SEPTIN9: variants seen among roughly 807,000 people sequenced by gnomAD.
SEPTIN9 encodes septin-9.
SEPTIN9 carries 13 observed loss-of-function variants against 56.6 expected under a neutral mutation model. The ratio of observed to expected loss-of-function variants is 0.23; its 90% CI spans 0.15 to 0.37. SEPTIN9 has a LOEUF of 0.37. SEPTIN9 is among the 10% of genes least tolerant of loss of function. The probability of loss-of-function intolerance (pLI) is 1.00; values close to 1 mark genes in which losing one functional copy is unlikely to be tolerated. For missense variants in SEPTIN9, 650 were observed against 823.1 expected (o/e 0.79, Z 2.57); for synonymous variants, 332 against 334.1 (o/e 0.99, Z 0.07).
chr17:77,320,290 G>A, intron 2 of SEPTIN9: 7 of 1,612,032 alleles, frequency 4.3e-6, no homozygotes, highest in Non-Finnish European at 5.9e-6. Context: ...TGAGCGGGAC[G>A]CCGGGACTCC....
intron 3 of SEPTIN9, chr17:77,454,362 A>C: frequency 1.0e-6 from 1 of 985,518 alleles, no homozygotes; most frequent in Non-Finnish European, 1.2e-6. Context: ...GTTCCCGGAC[A>C]GGTAGGGACC....
chr17:77,426,846 G>A (rs2036933921), intron 3 of SEPTIN9: 1 of 152,226 alleles, frequency 6.6e-6, no homozygotes, highest in African/African-American at 2.4e-5. Flanking sequence ...CATGTCACGG[G>A]TGCTCAGTGA....
At chr17:77,378,929 G>A (rs1021110199) in intron 2 of SEPTIN9, among the ~76,000 whole-genome samples, 2 of 152,008 alleles carry the variant, frequency 1.3e-5, no homozygotes, top group African/African-American at 4.8e-5. Context: ...GCACTTGCTG[G>A]ATGACCGGAC....
chr17:77,315,003 G>C (rs913928553), intron 2 of SEPTIN9, among the ~76,000 whole-genome samples: 1 of 152,328 alleles, frequency 6.6e-6, no homozygotes, highest in East Asian at 1.9e-4. Flanking sequence ...TGTGAGAAGG[G>C]GTGGGGAAAG....
chr17:77,386,400 C>T (rs2035338633), intron 2 of SEPTIN9, among the ~76,000 whole-genome samples: 1 of 152,166 alleles, frequency 6.6e-6, no homozygotes, highest in African/African-American at 2.4e-5. Flanking sequence ...GGGGACTTCA[C>T]AAGATGGGTA....
At chr17:77,416,449 C>A (rs1035180125) in intron 3 of SEPTIN9, among the ~76,000 whole-genome samples, 1 of 152,142 alleles carries the variant, frequency 6.6e-6, no homozygotes, top group Non-Finnish European at 1.5e-5. Flanking sequence ...ATAACGGGGC[C>A]GGGGAGCTCT....
chr17:77,295,057 C>T (rs2031748218), intron 1 of SEPTIN9, among the ~76,000 whole-genome samples: 1 of 152,154 alleles, frequency 6.6e-6, no homozygotes, highest in South Asian at 2.1e-4. Context: ...TAGCAGGAGC[C>T]CCCACGTGGC....
Position 77,475,650 on chromosome 17 carries a change from G to A in SEPTIN9, c.722-6494G>A, listed in dbSNP as rs369276902. 7.1e-5 allele frequency: 114 copies of A among 1,613,724 alleles called. No individual in the cohort carries two copies. The highest frequency in any genetic ancestry group is 8.6e-5 in the Non-Finnish European group (102 of 1,179,886). ...AGGCTGCTCCAGTGTGCATTGTTAC[G>A]AGGCAAAGTAAGGAGACTGCTGGGC... On this transcript the variant is annotated intron_variant, in intron 3 of 11. Coordinates refer to ENST00000427177, the MANE Select transcript of SEPTIN9 (RefSeq NM_001113491.2). This position sits in a 1 kb window ranked among gnomAD's most constrained non-coding sequence, Gnocchi z 4.6.
chr17:77,341,784 CAAA>C (rs34170928), intron 2 of SEPTIN9, among the ~76,000 whole-genome samples: 1 of 113,444 alleles, frequency 8.8e-6, no homozygotes. Flanking sequence ...GACTCCATCT[CAAA>C]AAAAAAAAAA....
Position 77,451,798 on chromosome 17 carries a change from G to A in SEPTIN9, c.722-30346G>A, listed in dbSNP as rs890033616. Among the ~76,000 whole-genome samples the A allele has an allele frequency of 2.6e-5, 4 of 152,206 alleles. No homozygotes were observed. Among genetic ancestry groups the A allele is most frequent in the African/African-American group, 2.4e-5 (1 of 41,448 alleles). ...CACAGCTATCTCTTTGTAAATATTT[G>A]GCCAACTAAGCTGAGTGGCTAAGTT... On this transcript the variant is annotated intron_variant, in intron 3 of 11. Transcript: ENST00000427177. This position sits in a 1 kb window ranked among gnomAD's most constrained non-coding sequence, Gnocchi z 4.2.
intron 2 of SEPTIN9, among the ~76,000 whole-genome samples, chr17:77,377,719 G>A (rs1451750311): frequency 2.0e-5 from 3 of 152,296 alleles, no homozygotes; most frequent in African/African-American, 4.8e-5. Flanking sequence ...GAGCTGGCGC[G>A]CTGGCAGGAT....
chr17:77,484,577 G>A (rs1303757136), intron 4 of SEPTIN9, among the ~76,000 whole-genome samples: 12 of 112,432 alleles, frequency 1.1e-4, no homozygotes, highest in Middle Eastern at 6.9e-3. Flanking sequence ...GGTGATGGTG[G>A]TTATGATGGT....
chr17:77,464,047 A>G (rs1480670037), intron 3 of SEPTIN9, among the ~76,000 whole-genome samples: 2 of 151,298 alleles, frequency 1.3e-5, no homozygotes, highest in African/African-American at 4.9e-5. Context: ...AAATAACTGC[A>G]GGAACAATTT....
chr17:77,337,404 C>G (rs1240903877), intron 2 of SEPTIN9, among the ~76,000 whole-genome samples: 1 of 151,668 alleles, frequency 6.6e-6, no homozygotes, highest in African/African-American at 2.4e-5. Flanking sequence ...TTTGATTTGC[C>G]CAGTTTTTAA....
Position 77,488,253 on chromosome 17 carries a change from A to G in SEPTIN9, c.1056A>G (p.Lys352=), listed in dbSNP as rs572892606. 5 of 1,613,752 alleles carry G rather than the reference A, an allele frequency of 3.1e-6. No homozygotes were observed. The South Asian group carries it at 4.4e-5, about 14-fold the overall frequency. ...IKSITHDIEE[K]GVRMKLTVID... ...GGCTCTGTGCAGATATTGAGGAGAAAGGCGTCCGGATGAAGCTGACAGTGA... is the reference window on the plus strand; with the variant it reads ...GGCTCTGTGCAGATATTGAGGAGAAGGGCGTCCGGATGAAGCTGACAGTGA... The change falls in exon 6 of 12, where the codon AAA becomes AAG. Residue 352 remains lysine (K), a synonymous_variant. Transcript: ENST00000427177.
intron 2 of SEPTIN9, chr17:77,373,484 G>GCCCACCAGCCA (rs1224067489): frequency 6.5e-7 from 1 of 1,530,700 alleles, no homozygotes; most frequent in South Asian, 1.2e-5. Context: ...GCGACCCGCT[G>GCCCACCAGCCA]CCCACCAGCC....
chr17:77,388,761 G>A (rs1379589356), intron 2 of SEPTIN9, among the ~76,000 whole-genome samples: 2 of 148,978 alleles, frequency 1.3e-5, no homozygotes, highest in South Asian at 2.1e-4. Flanking sequence ...AGAGAGCCCC[G>A]TGATTAATGG....
At position 77,292,008 on chromosome 17, in the gene SEPTIN9, T is replaced by C. The variant is rs186909487; in HGVS notation, c.19+10454T>C. 3.0e-4 allele frequency among the ~76,000 whole-genome samples: 46 copies of C among 152,322 alleles called. No homozygotes were observed. The East Asian group carries it at 8.3e-3, about 27-fold the overall frequency. On this transcript the variant is annotated intron_variant, in intron 1 of 11. Coordinates refer to ENST00000427177, the MANE Select transcript of SEPTIN9 (RefSeq NM_001113491.2). ...GCCCAGGGCTTCCTTGTTTGAAAAG[T>C]CATCCCCTTGTCGAGGTCTTTGATT...
rs949594434 is a variant in SEPTIN9, at chr17:77,361,787, C to T, written c.77-40272C>T. On this transcript the variant is annotated intron_variant, in intron 2 of 11. Coordinates refer to ENST00000427177, the MANE Select transcript of SEPTIN9 (RefSeq NM_001113491.2). ...AGCTGGGACTACAGGCGCCTGCCAC[C>T]GCGTCCGGCTAATTTTTTGTATTTT... Among the ~76,000 whole-genome samples, 93 of 152,272 alleles carry T rather than the reference C, an allele frequency of 6.1e-4. 1 individual carries two copies. The highest frequency in any genetic ancestry group is 2.3e-3 in the Admixed American group (35 of 15,306).
Sources: allele counts gnomAD v4.1 joint callset (sites outside exome capture counted in the v4.1 genomes callset), GRCh38; gene constraint gnomAD v4.1.1; non-coding constraint Gnocchi (gnomAD v3.1); transcripts MANE v1.5; gene names NCBI Gene and HGNC (gene_info 2026-07-23, HGNC 2026-07-21).